GLS: variants seen among roughly 807,000 people sequenced by gnomAD.
The protein encoded by GLS is glutaminase, also known as glutaminase kidney isoform, mitochondrial.
A neutral mutation model predicts 86.7 loss-of-function variants in GLS; 36 were observed. The observed-to-expected ratio is 0.42, with a 90% CI of 0.32 to 0.55. The LOEUF is 0.55. GLS is among the 20% of genes least tolerant of loss of function. GLS has a pLI of 0.17. For synonymous variants in GLS, 317 were observed against 305.9 expected (o/e 1.04, Z -0.38); for missense variants, 528 against 833.4 (o/e 0.63, Z 4.51).
At chr2:190,917,342 C>T (rs903308648) in intron 7 of GLS, among the ~76,000 whole-genome samples, 10 of 152,186 alleles carry the variant, frequency 6.6e-5, no homozygotes, top group Admixed American at 4.6e-4. Flanking sequence ...GAGATTGCAG[C>T]AATTCAGTCA....
At chr2:190,960,456 C>A (rs1690972023) in intron 17 of GLS, among the ~76,000 whole-genome samples, 1 of 150,658 alleles carries the variant, frequency 6.6e-6, no homozygotes, top group African/African-American at 2.5e-5. Context: ...CCTTAACTTC[C>A]CAGGCTCAAG....
intron 7 of GLS, among the ~76,000 whole-genome samples, chr2:190,912,021 G>T (rs760476342): frequency 9.2e-5 from 14 of 152,098 alleles, no homozygotes; most frequent in Non-Finnish European, 1.6e-4. Flanking sequence ...TGTGGGAATT[G>T]CATGTCTGGT....
chr2:190,888,032 T>TTTTTCC, intron 1 of GLS, among the ~76,000 whole-genome samples: 1 of 152,284 alleles, frequency 6.6e-6, no homozygotes, highest in East Asian at 1.9e-4. Flanking sequence ...ACGAGCATTG[T>TTTTTCC]TTTTCCTGCC....
rs571760030 is a variant in GLS at position 190,949,055 on chromosome 2, G to A, written c.1651-4510G>A. Among the ~76,000 whole-genome samples the A allele has an allele frequency of 6.6e-6, 1 of 152,220 alleles. No homozygotes were observed. Among genetic ancestry groups the A allele is most frequent in the East Asian group, 1.9e-4 (1 of 5,174 alleles). On this transcript the variant is annotated intron_variant, in intron 14 of 17. Transcript: ENST00000320717. The surrounding 1 kb of genome is among the most constrained non-coding windows in gnomAD (Gnocchi z 4.0). ...GGGACTTTCGGGCTAGTCTTTGAGG[G>A]AAGGGAAGGATTTGATTAGGAATCT... is the stretch of plus-strand genomic sequence containing the variant.
rs201609016 is a variant in GLS at position 190,948,336 on chromosome 2, A to AT, written c.1651-5220dup. On this transcript the variant is annotated intron_variant, in intron 14 of 17. Transcript: ENST00000320717. Reference sequence around the variant, plus strand: ...AGCCTTTGTACATTAAAGTTTCCTGATTTTTTTTTCTCATGCTTTTGAATA... The same window carrying AT: ...AGCCTTTGTACATTAAAGTTTCCTGATTTTTTTTTTCTCATGCTTTTGAATA... 5.5e-3 allele frequency among the ~76,000 whole-genome samples: 839 copies of AT among 151,600 alleles called. 8 individuals are homozygous for AT. Among genetic ancestry groups the AT allele is most frequent in the African/African-American group, 0.019 (777 of 41,288 alleles).
intron 14 of GLS, among the ~76,000 whole-genome samples, chr2:190,937,311 CTTTTA>C (rs772978656): frequency 2.2e-4 from 33 of 151,238 alleles, no homozygotes; most frequent in South Asian, 8.3e-4. Flanking sequence ...GGGGGAAGTT[CTTTTA>C]TTTTATACCC....
chr2:190,929,840 A>G (rs932170894), intron 12 of GLS, among the ~76,000 whole-genome samples: 8 of 151,236 alleles, frequency 5.3e-5, no homozygotes, highest in African/African-American at 1.9e-4. Context: ...ATTCTATGGT[A>G]TGTATATATA....
chr2:190,924,427 G>C lies in GLS; in HGVS notation c.1198-116G>C, dbSNP rs1251789314. 3 of 692,404 alleles carry C rather than the reference G, an allele frequency of 4.3e-6. No individual in the cohort carries two copies. In the Admixed American group the frequency reaches 7.1e-5, roughly 16 times the overall value. 42.9% of individuals were successfully genotyped at this position (692,404 alleles called of 1,614,324 possible). ...GTTTATACTCTTTTAGAAGTTACATGCTATTTTATTAATTAAAATGAAACA... is the reference window on the plus strand; with the variant it reads ...GTTTATACTCTTTTAGAAGTTACATCCTATTTTATTAATTAAAATGAAACA... On this transcript the variant is annotated intron_variant, in intron 10 of 17. Transcript: ENST00000320717. The surrounding 1 kb of genome is among the most constrained non-coding windows in gnomAD (Gnocchi z 5.2).
At chr2:190,957,348 TC>T (rs1487069177) in intron 17 of GLS, among the ~76,000 whole-genome samples, 2 of 152,224 alleles carry the variant, frequency 1.3e-5, no homozygotes, top group Non-Finnish European at 2.9e-5. Flanking sequence ...TGCCTTGGCC[TC>T]CCAAAGTGCT....
Position 190,897,191 on chromosome 2 carries a change from C to T in GLS, c.605+1466C>T, listed in dbSNP as rs1688771916. ...TAAGGGCGCCTGCCACCATGCCTGG[C>T]TTTTTTGTATTTTTAGTGAGACGGG... On this transcript the variant is annotated intron_variant, in intron 3 of 17. Transcript: ENST00000320717. The surrounding 1 kb of genome is among the most constrained non-coding windows in gnomAD (Gnocchi z 4.3). 6.6e-6 allele frequency among the ~76,000 whole-genome samples: 1 copy of T among 151,980 alleles called. No individual in the cohort carries two copies. The highest frequency in any genetic ancestry group is 2.4e-5 in the African/African-American group (1 of 41,376).
rs566960325 is a variant in GLS at position 190,931,531 on chromosome 2, A to G, written c.1558-14A>G. The G allele has an allele frequency of 3.9e-5, 50 of 1,291,276 alleles. No homozygotes were observed. Among genetic ancestry groups the G allele is most frequent in the South Asian group, 7.5e-5 (6 of 80,370 alleles). The allele number at this position is 1,291,276 out of a possible 1,614,324, so 80.0% of individuals were successfully genotyped here. On this transcript the variant is annotated splice_polypyrimidine_tract_variant and intron_variant, in intron 13 of 17. Transcript: ENST00000320717. ...AGCCAATTTCTTATACCTGCTCTGT[A>G]TAACTGTTTACAGGATCTTGTTTCT...
In GLS at chr2:190,959,844, CTA is replaced by C. The variant is rs576273699; in HGVS notation, c.1854-2985_1854-2984del. ...AAAATGTATAAGAAAACTGTTAACT[CTA>C]AAATGAATATATTGGAGTTTGTTGA... On this transcript the variant is annotated intron_variant, in intron 17 of 17. Transcript: ENST00000320717. Among the ~76,000 whole-genome samples the C allele has an allele frequency of 3.1e-4, 47 of 152,200 alleles. No individual in the cohort carries two copies. The East Asian group carries it at 7.5e-3, about 24-fold the overall frequency.
chr2:190,890,757 A>G (rs1269375474), intron 1 of GLS, among the ~76,000 whole-genome samples: 4 of 152,238 alleles, frequency 2.6e-5, no homozygotes, highest in Non-Finnish European at 1.5e-5. Flanking sequence ...ATGAAGGCAT[A>G]AAGACTAGCA....
At chr2:190,923,724 T>C (rs960008536) in intron 9 of GLS, among the ~76,000 whole-genome samples, 193 bp from the exon 10 acceptor site, 3 of 152,198 alleles carry the variant, frequency 2.0e-5, no homozygotes, top group African/African-American at 7.2e-5. Context: ...AAAATGAAGA[T>C]TGAAAGAATT....
rs186034098 is a variant in GLS, at chr2:190,953,321, T to C, written c.1651-244T>C. On this transcript the variant is annotated intron_variant, in intron 14 of 17. Coordinates refer to ENST00000320717, the MANE Select transcript of GLS (RefSeq NM_014905.5). The surrounding 1 kb of genome is among the most constrained non-coding windows in gnomAD (Gnocchi z 4.0). ...TTCCATTCTCTTCTGCCAAGTGATA[T>C]TATTCCATTCCTTCCCTTGTGTATC... Among the ~76,000 whole-genome samples, 5 of 152,344 alleles carry C rather than the reference T, an allele frequency of 3.3e-5. No homozygotes were observed. The South Asian group carries it at 6.2e-4, about 19-fold the overall frequency.
chr2:190,944,176 G>GT (rs1690521843), intron 14 of GLS, among the ~76,000 whole-genome samples: 1 of 147,342 alleles, frequency 6.8e-6, no homozygotes, highest in Non-Finnish European at 1.5e-5. Flanking sequence ...TGTAAGAATA[G>GT]TTTGATTCCA....
At chr2:190,886,517 AG>A (rs113639264) in intron 1 of GLS, among the ~76,000 whole-genome samples, 2,235 of 152,330 alleles carry the variant, frequency 0.015, 58 homozygotes, top group African/African-American at 0.049. Flanking sequence ...TATGTAGGCC[AG>A]CTAAAAGGGA....
chr2:190,900,794 G>GTGTTTTCTTTAGC, intron 4 of GLS, 101 bp downstream of exon 4: 1 of 817,258 alleles, frequency 1.2e-6, no homozygotes, highest in Non-Finnish European at 1.9e-6. Context: ...TTTTGCTAAA[G>GTGTTTTCTTTAGC]AAAACACTTT....
intron 1 of GLS, among the ~76,000 whole-genome samples, chr2:190,891,196 A>G (rs1049173620): frequency 1.3e-5 from 2 of 152,206 alleles, no homozygotes; most frequent in Non-Finnish European, 2.9e-5. Flanking sequence ...ACTTGCTAAT[A>G]AAATACTTTT....
Sources: gnomAD v4.1 joint callset for allele counts (sites outside exome capture counted in the v4.1 genomes callset) on GRCh38, gnomAD v4.1.1 for gene constraint, Gnocchi (gnomAD v3.1) non-coding constraint, MANE v1.5 for transcripts, NCBI Gene and HGNC (gene_info 2026-07-23, HGNC 2026-07-21) for gene names.